COL25A1: variants seen among roughly 807,000 people sequenced by gnomAD.
COL25A1 encodes the protein collagen alpha-1(XXV) chain.
A neutral mutation model predicts 128.4 loss-of-function variants in COL25A1; 103 were observed. The ratio of observed to expected loss-of-function variants is 0.80; its 90% CI spans 0.68 to 0.94. COL25A1 has a LOEUF of 0.94. Among genes scored for constraint, COL25A1 ranks in the 40% least tolerant of loss-of-function variants. The probability of loss-of-function intolerance (pLI) is 0.00; values close to 1 mark genes in which losing one functional copy is unlikely to be tolerated. For missense variants in COL25A1, 745 were observed against 840.0 expected, an observed-to-expected ratio of 0.89 and a Z score of 1.40; for synonymous variants, 279 against 277.2, an observed-to-expected ratio of 1.01 and a Z score of -0.06.
chr4:109,073,858 T>A (rs1049394462), intron 3 of COL25A1, among the ~76,000 whole-genome samples: 1 of 152,176 alleles, frequency 6.6e-6, no homozygotes, highest in African/African-American at 2.4e-5. Flanking sequence ...GTCATTTCCA[T>A]GACACAAGGC....
intron 3 of COL25A1, among the ~76,000 whole-genome samples, chr4:109,265,746 T>G (rs577918036): frequency 2.6e-5 from 4 of 152,264 alleles, no homozygotes; most frequent in African/African-American, 9.6e-5. Flanking sequence ...TTAATCTGCT[T>G]TCTCTCATTA....
intron 16 of COL25A1, among the ~76,000 whole-genome samples, chr4:108,894,443 T>C (rs1478947811): frequency 2.0e-5 from 3 of 152,144 alleles, no homozygotes; most frequent in African/African-American, 2.4e-5. Flanking sequence ...CCAAATTCAG[T>C]TGGCCACCTG....
At chr4:109,208,930 ACT>A (rs1777265994) in intron 3 of COL25A1, among the ~76,000 whole-genome samples, 1 of 152,212 alleles carries the variant, frequency 6.6e-6, no homozygotes, top group Non-Finnish European at 1.5e-5. Context: ...TGCTTTTAGC[ACT>A]GTGCTGAGAA....
intron 13 of COL25A1, among the ~76,000 whole-genome samples, chr4:108,904,856 T>C (rs984947995): frequency 2.0e-5 from 3 of 152,182 alleles, no homozygotes; most frequent in Non-Finnish European, 4.4e-5. Context: ...ATTTCCATTG[T>C]AAGCTGAAAA....
chr4:108,931,423 G>A (rs1478587507), intron 11 of COL25A1, among the ~76,000 whole-genome samples: 1 of 152,070 alleles, frequency 6.6e-6, no homozygotes, highest in African/African-American at 2.4e-5. Context: ...ACAGCCTAGA[G>A]GTCAATAAGG....
In COL25A1 at chr4:108,928,588, G is replaced by A. The variant is rs1345004142; in HGVS notation, c.709-7984C>T. On this transcript the variant is annotated intron_variant, in intron 11 of 37. Transcript: ENST00000399132. The stretch of plus-strand genomic sequence containing the variant: ...GACTCACTTTATCACCCAGGCTGGA[G>A]TGCAGTGGCATGATCTCGACTTCCT... Among the ~76,000 whole-genome samples the A allele has an allele frequency of 4.6e-5, 7 of 152,162 alleles. No individual in the cohort carries two copies. In the South Asian group the frequency reaches 1.5e-3, roughly 32 times the overall value.
At chr4:109,097,544 C>G (rs1765505375) in intron 3 of COL25A1, among the ~76,000 whole-genome samples, 1 of 151,078 alleles carries the variant, frequency 6.6e-6, no homozygotes, top group Admixed American at 6.6e-5. Context: ...GCCCAGCAGG[C>G]AAAGGTTGCA....
chr4:109,104,736 G>A (rs1187811483), intron 3 of COL25A1, among the ~76,000 whole-genome samples: 5 of 152,106 alleles, frequency 3.3e-5, no homozygotes, highest in Admixed American at 6.6e-5. Flanking sequence ...AAAAGAGAGA[G>A]AGAGGCAACC....
intron 3 of COL25A1, among the ~76,000 whole-genome samples, chr4:109,074,223 A>G (rs757448455): frequency 3.9e-5 from 6 of 152,308 alleles, no homozygotes; most frequent in Admixed American, 6.5e-5. Context: ...TCACTCACCC[A>G]CTGATTGCCT....
intron 26 of COL25A1, among the ~76,000 whole-genome samples, chr4:108,850,487 T>C (rs989985400): frequency 7.9e-5 from 12 of 152,076 alleles, no homozygotes; most frequent in African/African-American, 2.2e-4. Flanking sequence ...GTAGGGATGA[T>C]AGCATACTGG....
intron 3 of COL25A1, among the ~76,000 whole-genome samples, chr4:109,142,672 G>A (rs1216780813): frequency 2.6e-5 from 4 of 151,588 alleles, no homozygotes; most frequent in Non-Finnish European, 5.9e-5. Context: ...GGCCTTCTTT[G>A]TCTTTTTTTG....
At chr4:109,108,921 T>A (rs1306422250) in intron 3 of COL25A1, among the ~76,000 whole-genome samples, 1 of 152,182 alleles carries the variant, frequency 6.6e-6, no homozygotes, top group Non-Finnish European at 1.5e-5. Flanking sequence ...GATATCTGCT[T>A]TATTGAAATA....
intron 3 of COL25A1, among the ~76,000 whole-genome samples, chr4:109,271,868 G>GT (rs1782219834): frequency 6.6e-6 from 1 of 152,120 alleles, no homozygotes; most frequent in Non-Finnish European, 1.5e-5. Flanking sequence ...TTCTAACAAT[G>GT]TTTTTATTGT....
chr4:108,823,405 G>T (rs956496970), intron 35 of COL25A1, among the ~76,000 whole-genome samples: 9 of 152,008 alleles, frequency 5.9e-5, no homozygotes, highest in Non-Finnish European at 8.8e-5. Flanking sequence ...TGGAGGGAGG[G>T]AGGGAAGGAG....
chr4:109,121,199 A>G (rs1768076221), intron 3 of COL25A1, among the ~76,000 whole-genome samples: 1 of 152,136 alleles, frequency 6.6e-6, no homozygotes, highest in Non-Finnish European at 1.5e-5. Flanking sequence ...CTCCTATGTG[A>G]TAACACAGGA....
chr4:109,230,999 C>T (rs1779128685), intron 3 of COL25A1, among the ~76,000 whole-genome samples: 1 of 151,900 alleles, frequency 6.6e-6, no homozygotes. Context: ...ATTAGCCAGG[C>T]GTGGTGGCGC....
intron 16 of COL25A1, among the ~76,000 whole-genome samples, chr4:108,895,305 CAACTG>C (rs1741994426): frequency 6.6e-6 from 1 of 152,196 alleles, no homozygotes; most frequent in South Asian, 2.1e-4. Flanking sequence ...GTCTTAGTCT[CAACTG>C]TAAGGCTAAA....
chr4:109,052,134 C>A (rs1015539112), intron 3 of COL25A1, among the ~76,000 whole-genome samples: 10 of 151,858 alleles, frequency 6.6e-5, no homozygotes, highest in Non-Finnish European at 1.5e-4. Flanking sequence ...TGGATTTCAT[C>A]AAATAAAAAC....
chr4:109,081,012 A>G (rs1038782796), intron 3 of COL25A1, among the ~76,000 whole-genome samples: 1 of 152,226 alleles, frequency 6.6e-6, no homozygotes, highest in African/African-American at 2.4e-5. Flanking sequence ...TTCAGAGAAT[A>G]AATAACCTGC....
Sources: allele counts gnomAD v4.1 joint callset (sites outside exome capture counted in the v4.1 genomes callset), GRCh38; gene constraint gnomAD v4.1.1; transcripts MANE v1.5; gene names NCBI Gene and HGNC (gene_info 2026-07-23, HGNC 2026-07-21).